SIPA1L3: variants seen among roughly 807,000 people sequenced by gnomAD.
The protein encoded by SIPA1L3 is signal induced proliferation associated 1 like 3.
Under a neutral mutation model 150.1 loss-of-function variants are expected in SIPA1L3, and 59 were observed. That is an observed-to-expected ratio of 0.39 (90% CI 0.32 to 0.49). The LOEUF is 0.49. Ranked by LOEUF, SIPA1L3 falls within the 20% of genes least tolerant of loss-of-function variation. The pLI, the probability that SIPA1L3 is intolerant of heterozygous loss-of-function variation, is 0.86. For missense variants in SIPA1L3, 2,211 were observed against 2,489.5 expected, an observed-to-expected ratio of 0.89 and a Z score of 2.38; for synonymous variants, 1,070 against 1,077.6, an observed-to-expected ratio of 0.99 and a Z score of 0.14.
At chr19:38,158,871 A>G (rs1972010639) in intron 13 of SIPA1L3, among the ~76,000 whole-genome samples, 1 of 152,186 alleles carries the variant, frequency 6.6e-6, no homozygotes, top group Admixed American at 6.5e-5. Context: ...CCTGATAGAT[A>G]CCCAAGTGGA....
At chr19:37,937,160 G>A (rs1196210649) in intron 1 of SIPA1L3, among the ~76,000 whole-genome samples, 1 of 152,104 alleles carries the variant, frequency 6.6e-6, no homozygotes, top group Non-Finnish European at 1.5e-5. Context: ...ACCATACCTG[G>A]CCTGTATTAA....
At chr19:37,913,570 A>G (rs889862310) in intron 1 of SIPA1L3, among the ~76,000 whole-genome samples, 3 of 151,844 alleles carry the variant, frequency 2.0e-5, no homozygotes, top group Admixed American at 6.6e-5. Flanking sequence ...TGATTTTTGT[A>G]TTTTTAGTAG....
chr19:38,090,918 C>T (rs543944702), intron 4 of SIPA1L3, among the ~76,000 whole-genome samples: 48 of 152,322 alleles, frequency 3.2e-4, no homozygotes, highest in African/African-American at 1.1e-3. Context: ...AAGCCATGTG[C>T]GCCAAACCAC....
intron 2 of SIPA1L3, among the ~76,000 whole-genome samples, chr19:38,040,909 C>T (rs1652371362): frequency 6.6e-6 from 1 of 152,036 alleles, no homozygotes; most frequent in Admixed American, 6.6e-5. Flanking sequence ...TACAGGCGCC[C>T]ACCACCACGC....
intron 1 of SIPA1L3, among the ~76,000 whole-genome samples, chr19:37,979,595 A>G (rs1454475862): frequency 2.6e-5 from 4 of 152,016 alleles, no homozygotes; most frequent in Non-Finnish European, 5.9e-5. Context: ...CTGTCTATAA[A>G]TATTTATTGG....
At chr19:38,022,623 G>T (rs2145703602) in intron 1 of SIPA1L3, among the ~76,000 whole-genome samples, 1 of 152,076 alleles carries the variant, frequency 6.6e-6, no homozygotes, top group Non-Finnish European at 1.5e-5. Context: ...CAGGAGAATT[G>T]CCTGAACCTG....
At chr19:38,156,306 T>C (rs1335976851) in intron 13 of SIPA1L3, among the ~76,000 whole-genome samples, 3 of 151,742 alleles carry the variant, frequency 2.0e-5, no homozygotes, top group Non-Finnish European at 4.4e-5. Flanking sequence ...AGAAAAGTGT[T>C]GCTTGGCTAT....
intron 12 of SIPA1L3, among the ~76,000 whole-genome samples, chr19:38,147,165 G>A (rs951131970): frequency 4.6e-5 from 7 of 151,982 alleles, no homozygotes; most frequent in African/African-American, 1.7e-4. Context: ...AGGTTCAAGC[G>A]ATTCTCATGC....
intron 1 of SIPA1L3, among the ~76,000 whole-genome samples, chr19:37,947,966 G>A (rs2046727626): frequency 6.6e-6 from 1 of 152,188 alleles, no homozygotes; most frequent in African/African-American, 2.4e-5. Context: ...GCCAGTGGAG[G>A]CTGCTGGCAG....
chr19:37,979,091 A>G (rs569882615), intron 1 of SIPA1L3, among the ~76,000 whole-genome samples: 2 of 152,240 alleles, frequency 1.3e-5, no homozygotes, highest in East Asian at 1.9e-4. Flanking sequence ...GCAAATCTAT[A>G]AACATGGCAG....
At chr19:38,181,653 G>A (rs1374880714) in intron 15 of SIPA1L3, among the ~76,000 whole-genome samples, 2 of 152,068 alleles carry the variant, frequency 1.3e-5, no homozygotes, top group Non-Finnish European at 2.9e-5. Flanking sequence ...AGACCAGCCT[G>A]GCCAACATGG....
At chr19:38,130,454 G>A (rs778405968) in intron 9 of SIPA1L3, 44 bp from the exon 10 acceptor site, 1 of 1,577,312 alleles carries the variant, frequency 6.3e-7, no homozygotes, top group East Asian at 2.2e-5. Flanking sequence ...CAGAGGAGCT[G>A]ACCCAAGCAG....
rs1555775383 is a variant in SIPA1L3, at chr19:37,999,011, A to ACC, written c.-378-30076_-378-30075dup. Among the ~76,000 whole-genome samples the ACC allele has an allele frequency of 1.9e-3, 278 of 144,562 alleles. 1 individual carries two copies. The highest frequency in any genetic ancestry group is 6.4e-3 in the African/African-American group (247 of 38,518). The allele number at this position is 144,562 out of a possible 152,430, so 94.8% of individuals were successfully genotyped here. ...CACACACACACACACACACACACAC[A>ACC]CCCACACACACACAAAGACTAAAAA... is the stretch of plus-strand genomic sequence containing the variant. On this transcript the variant is annotated intron_variant, in intron 1 of 21. Coordinates refer to ENST00000222345, the MANE Select transcript of SIPA1L3 (RefSeq NM_015073.3).
intron 3 of SIPA1L3, among the ~76,000 whole-genome samples, chr19:38,086,193 CA>C (rs1970127199): frequency 6.7e-6 from 1 of 149,980 alleles, no homozygotes; most frequent in African/African-American, 2.5e-5. Flanking sequence ...ACCTAACCAA[CA>C]AAGAACACAT....
intron 8 of SIPA1L3, among the ~76,000 whole-genome samples, chr19:38,114,217 T>TC (rs1970830160): frequency 6.6e-6 from 1 of 151,854 alleles, no homozygotes; most frequent in African/African-American, 2.4e-5. Flanking sequence ...GATCGGGAGT[T>TC]CAAGACCAGC....
In SIPA1L3 at chr19:37,936,152, T is replaced by C. The variant is rs554794425; in HGVS notation, c.-379+28794T>C. Among the ~76,000 whole-genome samples the C allele has an allele frequency of 5.9e-5, 9 of 152,242 alleles. No individual in the cohort carries two copies. The South Asian group carries it at 1.2e-3, about 21-fold the overall frequency. On this transcript the variant is annotated intron_variant, in intron 1 of 21. Coordinates refer to ENST00000222345, the MANE Select transcript of SIPA1L3 (RefSeq NM_015073.3). ...AAGCCAAAGCCTTCCCTGAAATCTT[T>C]AGCAGACGTCTGCTTGTGACTATTT...
chr19:37,969,060 G>A (rs140559268), intron 1 of SIPA1L3, among the ~76,000 whole-genome samples: 128 of 152,284 alleles, frequency 8.4e-4, no homozygotes, highest in African/African-American at 3.0e-3. Context: ...ATATGCTCCA[G>A]TGCTTAAAAT....
rs1442285152 is a variant in SIPA1L3, at chr19:38,198,454, CCTG to C, written c.4907_4909del (p.Pro1636_Gly1637delinsArg). The C allele has an allele frequency of 1.9e-6, 3 of 1,605,544 alleles. No individual in the cohort carries two copies. The highest frequency in any genetic ancestry group is 2.5e-6 in the Non-Finnish European group (3 of 1,176,862). Reference sequence around the variant, plus strand: ...GGACCGCCCCCTGCGGCGCCTGGACCCTGGGCTGATGCCCCTGCCTGACACAGC... The same window carrying C: ...GGACCGCCCCCTGCGGCGCCTGGACCGGCTGATGCCCCTGCCTGACACAGC... On this transcript the variant is annotated inframe_deletion, in exon 19 of 22. Transcript: ENST00000222345.
At chr19:37,982,018 T>C (rs1967213681) in intron 1 of SIPA1L3, among the ~76,000 whole-genome samples, 1 of 152,218 alleles carries the variant, frequency 6.6e-6, no homozygotes, top group Non-Finnish European at 1.5e-5. Context: ...ATCTTACGCA[T>C]GTCCACGTTG....
Sources: allele counts gnomAD v4.1 joint callset (sites outside exome capture counted in the v4.1 genomes callset), GRCh38; gene constraint gnomAD v4.1.1; transcripts MANE v1.5; gene names NCBI Gene and HGNC (gene_info 2026-07-23, HGNC 2026-07-21).